The following LHCGR variants were observed in gnomAD, a reference collection of about 807,000 sequenced individuals.
LHCGR encodes lutropin-choriogonadotropic hormone receptor.
In LHCGR, 55 loss-of-function variants were observed where a neutral mutation model predicts 60.7. That is an observed-to-expected ratio of 0.91 (90% CI 0.73 to 1.13). The LOEUF is 1.13. Ranked by LOEUF, LHCGR falls within the 50% of genes most tolerant of loss-of-function variation. The probability of loss-of-function intolerance (pLI) is 0.00; values close to 1 mark genes in which losing one functional copy is unlikely to be tolerated. For synonymous variants in LHCGR, 337 were observed against 316.5 expected, an observed-to-expected ratio of 1.06 and a Z score of -0.69; for missense variants, 862 against 836.0, an observed-to-expected ratio of 1.03 and a Z score of -0.38.
At chr2:48,689,725 T>C (rs34757099) in intron 10 of LHCGR, among the ~76,000 whole-genome samples, 25,370 of 151,098 alleles carry the variant, frequency 0.17, 2,627 homozygotes, top group South Asian at 0.26. Flanking sequence ...CTCTCTCTCT[T>C]TTTTTTTTGA....
chr2:48,722,409 C>A (rs1345297290), intron 6 of LHCGR, among the ~76,000 whole-genome samples: 2 of 152,192 alleles, frequency 1.3e-5, no homozygotes, highest in Non-Finnish European at 1.5e-5. Flanking sequence ...TGGTTTAGAT[C>A]TGTGTTTCCA....
intron 7 of LHCGR, among the ~76,000 whole-genome samples, chr2:48,712,815 T>G (rs1363148274): frequency 6.6e-6 from 1 of 152,130 alleles, no homozygotes; most frequent in Admixed American, 6.5e-5. Flanking sequence ...CACTGTGGCT[T>G]AGATCGGTTA....
chr2:48,738,494 A>G (rs1427342240), intron 1 of LHCGR, among the ~76,000 whole-genome samples: 2 of 152,128 alleles, frequency 1.3e-5, no homozygotes, highest in African/African-American at 4.8e-5. Context: ...AACTCCTGCT[A>G]TGTCATTCTC....
In LHCGR at chr2:48,688,000, G is replaced by A; in HGVS notation, c.1797C>T (p.Ile599=). Reference sequence around the variant, plus strand: ...GTAAAACTTTAGAGTTGGTTACTGTGATAAGAGGTACTTTGAAGGCAGCTG... The same window carrying A: ...GTAAAACTTTAGAGTTGGTTACTGTAATAAGAGGTACTTTGAAGGCAGCTG... ...AISAAFKVPL[I]TVTNSKVLLV... is the part of the protein sequence containing the mutation. The change falls in exon 11 of 11, where the codon ATC becomes ATT. Residue 599 remains isoleucine (I), a synonymous_variant. Coordinates refer to ENST00000294954, the MANE Select transcript of LHCGR (RefSeq NM_000233.4). 6.2e-7 allele frequency: 1 copy of A among 1,614,166 alleles called. No homozygotes were observed. Among genetic ancestry groups the A allele is most frequent in the Non-Finnish European group, 8.5e-7 (1 of 1,180,010 alleles).
intron 6 of LHCGR, among the ~76,000 whole-genome samples, chr2:48,718,767 G>C (rs915842541): frequency 6.6e-6 from 1 of 152,122 alleles, no homozygotes; most frequent in Non-Finnish European, 1.5e-5. Context: ...GGATGTGCCG[G>C]CAGTGGTTAG....
intron 2 of LHCGR, among the ~76,000 whole-genome samples, chr2:48,729,738 G>A (rs939961835): frequency 6.6e-6 from 1 of 152,122 alleles, no homozygotes; most frequent in Non-Finnish European, 1.5e-5. Context: ...TGCTGAGGCC[G>A]TTGCAAGGTG....
In LHCGR at chr2:48,687,992, G is replaced by T; in HGVS notation, c.1805C>A (p.Thr602Asn). 6.2e-7 allele frequency: 1 copy of T among 1,614,138 alleles called. No homozygotes were observed. The highest frequency in any genetic ancestry group is 8.5e-7 in the Non-Finnish European group (1 of 1,180,008). The change falls in exon 11 of 11, where the codon ACC becomes AAC. Residue 602 changes from threonine to asparagine, a missense_variant. Physicochemically the swap from Thr to Asn is moderately conservative, Grantham distance 65 (BLOSUM62 0). Transcript: ENST00000294954. Reference protein sequence around the residue: ...AAFKVPLITVTNSKVLLVLFY... With the variant: ...AAFKVPLITVNNSKVLLVLFY... ...AAGAACCAGTAAAACTTTAGAGTTG[G>T]TTACTGTGATAAGAGGTACTTTGAA...
chr2:48,734,764 C>A (rs1669145484), intron 1 of LHCGR, among the ~76,000 whole-genome samples: 1 of 151,958 alleles, frequency 6.6e-6, no homozygotes. Context: ...TGTCCAGGGT[C>A]AAAAAAGGAA....
intron 4 of LHCGR, among the ~76,000 whole-genome samples, 183 bp from the exon 5 acceptor site, chr2:48,723,879 GA>G (rs1347152324): frequency 6.6e-6 from 1 of 152,214 alleles, no homozygotes; most frequent in Non-Finnish European, 1.5e-5. Context: ...TTGCAATTTA[GA>G]AGTCCCTCAT....
chr2:48,693,654 T>C (rs564559167), intron 10 of LHCGR, among the ~76,000 whole-genome samples: 6 of 152,266 alleles, frequency 3.9e-5, no homozygotes, highest in East Asian at 3.9e-4. Context: ...TCTTTTACAG[T>C]TGAAGATAAG....
intron 9 of LHCGR, among the ~76,000 whole-genome samples, chr2:48,694,905 C>T (rs146757578): frequency 2.4e-4 from 36 of 152,176 alleles, no homozygotes; most frequent in African/African-American, 7.9e-4. Context: ...GAGCACTTAC[C>T]TAGAGATGAA....
rs554667844 is a variant in LHCGR, at chr2:48,738,126, T to C, written c.162-6828A>G. Reference sequence around the variant, plus strand: ...CAGCTTCTTGAGGACATAGCTCAGTTTCAAAATGCAGCTCAAATCCCTGCT... The same window carrying C: ...CAGCTTCTTGAGGACATAGCTCAGTCTCAAAATGCAGCTCAAATCCCTGCT... On this transcript the variant is annotated intron_variant, in intron 1 of 10. Transcript: ENST00000294954. Among the ~76,000 whole-genome samples the C allele has an allele frequency of 1.1e-4, 16 of 152,308 alleles. No homozygotes were observed. The East Asian group carries it at 2.3e-3, about 22-fold the overall frequency.
intron 1 of LHCGR, among the ~76,000 whole-genome samples, chr2:48,743,298 A>C (rs1457186623): frequency 6.6e-6 from 1 of 152,038 alleles, no homozygotes; most frequent in African/African-American, 2.4e-5. Context: ...TTCTGAAACT[A>C]TTCCAATCAA....
chr2:48,752,985 G>GGGT (rs1330175999), intron 1 of LHCGR, among the ~76,000 whole-genome samples: 1 of 103,450 alleles, frequency 9.7e-6, no homozygotes, highest in Non-Finnish European at 2.0e-5. Context: ...TTTTGGCGGG[G>GGGT]GGGGGGGGGG....
At chr2:48,729,266 G>A (rs1668879112) in intron 2 of LHCGR, 39 bp from the exon 3 acceptor site, 1 of 1,455,700 alleles carries the variant, frequency 6.9e-7, no homozygotes, top group East Asian at 2.3e-5. Flanking sequence ...AAAGAAACAT[G>A]AAAGAAATGA....
chr2:48,711,009 C>G (rs1191334540), intron 7 of LHCGR, among the ~76,000 whole-genome samples: 5 of 152,188 alleles, frequency 3.3e-5, no homozygotes, highest in African/African-American at 1.2e-4. Context: ...CTCCCCCTTG[C>G]TAAAGACCCT....
intron 1 of LHCGR, among the ~76,000 whole-genome samples, chr2:48,747,942 G>A (rs1222396709): frequency 1.3e-5 from 2 of 152,128 alleles, no homozygotes; most frequent in Non-Finnish European, 2.9e-5. Flanking sequence ...TTTGAATAGC[G>A]ATTCCTCAGT....
intron 10 of LHCGR, among the ~76,000 whole-genome samples, chr2:48,689,902 A>C (rs1297567555): frequency 6.6e-6 from 1 of 151,902 alleles, no homozygotes; most frequent in Non-Finnish European, 1.5e-5. Context: ...TTTTAGTAGA[A>C]ACGGGGTTTC....
rs199862871 is a variant in LHCGR at position 48,687,969 on chromosome 2, G to C, written c.1828C>G (p.Leu610Val). The C allele has an allele frequency of 6.2e-7, 1 of 1,614,116 alleles. No individual in the cohort carries two copies. The highest frequency in any genetic ancestry group is 2.2e-5 in the East Asian group (1 of 44,886). The change falls in exon 11 of 11, where the codon CTT becomes GTT. Residue 610 changes from leucine (L) to valine (V), a missense_variant. Physicochemically the swap from Leu to Val is conservative, Grantham distance 32. Coordinates refer to ENST00000294954, the MANE Select transcript of LHCGR (RefSeq NM_000233.4). ...GCACAAGAATTGATGGGATAAAAAA[G>C]AACCAGTAAAACTTTAGAGTTGGTT... Reference protein sequence around the residue: ...TVTNSKVLLVLFYPINSCANP... With the variant: ...TVTNSKVLLVVFYPINSCANP...
Sources: allele counts gnomAD v4.1 joint callset (sites outside exome capture counted in the v4.1 genomes callset), GRCh38; gene constraint gnomAD v4.1.1; transcripts MANE v1.5; gene names NCBI Gene and HGNC (gene_info 2026-07-23, HGNC 2026-07-21).